Variants in ANKRD31 observed in about 807,000 individuals in gnomAD.
ANKRD31 encodes the protein ankyrin repeat domain 31, also known as ankyrin repeat domain-containing protein 31.
ANKRD31 carries 147 observed loss-of-function variants against 186.0 expected under a neutral mutation model. That is an observed-to-expected ratio of 0.79 (90% CI 0.69 to 0.91). The LOEUF (loss-of-function observed/expected upper bound fraction) is 0.91. ANKRD31 is among the 40% of genes least tolerant of loss of function. ANKRD31 has a pLI of 0.00. For missense variants in ANKRD31, 1,986 were observed against 2,148.8 expected, an observed-to-expected ratio of 0.92 and a Z score of 1.50; for synonymous variants, 673 against 736.4, an observed-to-expected ratio of 0.91 and a Z score of 1.39.
chr5:75,226,830 T>C (rs1757654607), intron 2 of ANKRD31, among the ~76,000 whole-genome samples: 1 of 152,104 alleles, frequency 6.6e-6, no homozygotes, highest in African/African-American at 2.4e-5. Flanking sequence ...GGAATGTAAA[T>C]TAGTACAATC....
intron 20 of ANKRD31, among the ~76,000 whole-genome samples, chr5:75,108,797 A>G (rs1747538376): frequency 6.6e-6 from 1 of 152,100 alleles, no homozygotes; most frequent in African/African-American, 2.4e-5. Flanking sequence ...AATCAATAAG[A>G]ATTTAGACAT....
intron 11 of ANKRD31, among the ~76,000 whole-genome samples, chr5:75,166,053 G>C (rs138171494): frequency 5.5e-4 from 84 of 152,170 alleles, no homozygotes; most frequent in African/African-American, 2.0e-3. Flanking sequence ...AGTATTTATG[G>C]GTAAAATAGT....
At chr5:75,129,757 G>A (rs1206738939) in intron 17 of ANKRD31, among the ~76,000 whole-genome samples, 1 of 152,194 alleles carries the variant, frequency 6.6e-6, no homozygotes, top group Non-Finnish European at 1.5e-5. Context: ...TCCAACGGAG[G>A]TACCAGGTTC....
chr5:75,199,605 A>C, intron 6 of ANKRD31, 26 bp downstream of exon 6: 1 of 1,504,652 alleles, frequency 6.6e-7, no homozygotes, highest in Non-Finnish European at 8.9e-7. Flanking sequence ...CAGTCTACAT[A>C]GTTAATTTCT....
intron 3 of ANKRD31, among the ~76,000 whole-genome samples, chr5:75,211,153 C>G (rs1470894638): frequency 1.3e-5 from 2 of 152,146 alleles, no homozygotes; most frequent in Non-Finnish European, 2.9e-5. Context: ...ACACTAACTC[C>G]CCACTCCCCT....
At chr5:75,083,858 A>G (rs1204568919) in intron 24 of ANKRD31, among the ~76,000 whole-genome samples, 1 of 152,234 alleles carries the variant, frequency 6.6e-6, no homozygotes, top group Non-Finnish European at 1.5e-5. Flanking sequence ...GATACATGCT[A>G]TGATGTAGAT....
chr5:75,137,853 TA>T lies in ANKRD31; in HGVS notation c.3876+2del. On this transcript the variant is annotated splice_donor_variant, in intron 17 of 25. Coordinates refer to ENST00000506364, the MANE Select transcript of ANKRD31 (RefSeq NM_001372053.1). LOFTEE classifies it high-confidence loss of function. ...TAAGATCTTAATGTGATGTGCACTG[TA>T]CCTTTAAATGATTGTTTGCAACAGC... 1 of 1,520,828 alleles carries T rather than the reference TA, an allele frequency of 6.6e-7. No individual in the cohort carries two copies. The highest frequency in any genetic ancestry group is 8.8e-7 in the Non-Finnish European group (1 of 1,140,698). 94.2% of individuals were successfully genotyped at this position (1,520,828 alleles called of 1,614,324 possible). A position where few individuals can be genotyped will look rare whatever the true frequency, so the allele number is the denominator to read the frequency against.
intron 22 of ANKRD31, among the ~76,000 whole-genome samples, chr5:75,092,708 A>G (rs1746015463): frequency 6.6e-6 from 1 of 152,208 alleles, no homozygotes; most frequent in South Asian, 2.1e-4. Context: ...ATACAAAGAA[A>G]CAGCAAAGTA....
At chr5:75,128,943 T>G (rs1749496334) in intron 17 of ANKRD31, among the ~76,000 whole-genome samples, 1 of 152,148 alleles carries the variant, frequency 6.6e-6, no homozygotes, top group Non-Finnish European at 1.5e-5. Flanking sequence ...CTTTTTAAAT[T>G]TAAATACTGT....
intron 4 of ANKRD31, among the ~76,000 whole-genome samples, chr5:75,206,725 C>T (rs1369457467): frequency 6.6e-6 from 1 of 152,032 alleles, no homozygotes; most frequent in African/African-American, 2.4e-5. Context: ...GGAGTGTATA[C>T]AAGCTAAACT....
intron 10 of ANKRD31, among the ~76,000 whole-genome samples, chr5:75,188,264 G>C (rs1177516603): frequency 6.6e-6 from 1 of 152,094 alleles, no homozygotes; most frequent in East Asian, 1.9e-4. Context: ...AACCCACCTG[G>C]CATAATCTTT....
At chr5:75,098,500 G>A (rs1486345906) in intron 22 of ANKRD31, among the ~76,000 whole-genome samples, 4 of 152,032 alleles carry the variant, frequency 2.6e-5, no homozygotes, top group African/African-American at 7.3e-5. Context: ...GGATGGCATT[G>A]AATCTATAAA....
chr5:75,201,004 G>A (rs61406519), intron 5 of ANKRD31, among the ~76,000 whole-genome samples: 8,275 of 152,050 alleles, frequency 0.054, 521 homozygotes, highest in African/African-American at 0.15. Context: ...ATATATCTGA[G>A]TCATTCTTTT....
intron 17 of ANKRD31, among the ~76,000 whole-genome samples, chr5:75,127,685 A>G (rs752634155): frequency 1.3e-5 from 2 of 152,152 alleles, no homozygotes. Flanking sequence ...TGTTAAGACT[A>G]TTGTATTTGT....
intron 3 of ANKRD31, among the ~76,000 whole-genome samples, chr5:75,212,951 A>C (rs1756741726): frequency 6.6e-6 from 1 of 152,238 alleles, no homozygotes; most frequent in Non-Finnish European, 1.5e-5. Flanking sequence ...CACTGAATAC[A>C]GGTGGGGGCT....
chr5:75,097,304 C>T (rs1746411954), intron 22 of ANKRD31, among the ~76,000 whole-genome samples: 1 of 152,200 alleles, frequency 6.6e-6, no homozygotes, highest in African/African-American at 2.4e-5. Flanking sequence ...TGTTTCTCCA[C>T]ATCCTCTCCA....
At chr5:75,129,370 T>C (rs540407006) in intron 17 of ANKRD31, among the ~76,000 whole-genome samples, 1 of 152,336 alleles carries the variant, frequency 6.6e-6, no homozygotes, top group South Asian at 2.1e-4. Flanking sequence ...ATACAGCTTC[T>C]TTTAGCCAAA....
At chr5:75,122,306 C>T (rs562253689) in intron 17 of ANKRD31, among the ~76,000 whole-genome samples, 1 of 151,428 alleles carries the variant, frequency 6.6e-6, no homozygotes, top group South Asian at 2.1e-4. Context: ...AAAAAAAAAG[C>T]CTAGGTCAAG....
At position 75,068,476 on chromosome 5, in the gene ANKRD31, T is replaced by C. The variant is rs1743940135; in HGVS notation, c.*43A>G. The C allele has an allele frequency of 3.5e-6, 5 of 1,426,518 alleles. No individual in the cohort carries two copies. The highest frequency in any genetic ancestry group is 4.6e-6 in the Non-Finnish European group (5 of 1,093,114). The allele number at this position is 1,426,518 out of a possible 1,614,324, so 88.4% of individuals were successfully genotyped here. On this transcript the variant is annotated 3_prime_UTR_variant, in exon 26 of 26. Transcript: ENST00000506364. ...AAGATGAAATATAAATGTTTGTTGG[T>C]AATTTGAACAAATATCCAATAAAAT...
Sources: gnomAD v4.1 joint callset for allele counts (sites outside exome capture counted in the v4.1 genomes callset) on GRCh38, gnomAD v4.1.1 for gene constraint, MANE v1.5 for transcripts, NCBI Gene and HGNC (gene_info 2026-07-23, HGNC 2026-07-21) for gene names.